The following VIT variants were observed in gnomAD, a reference collection of about 807,000 sequenced individuals.
The protein encoded by VIT is vitrin.
VIT carries 99 observed loss-of-function variants against 78.0 expected under a neutral mutation model. The ratio of observed to expected loss-of-function variants is 1.27; its 90% CI spans 1.08 to 1.50. VIT has a LOEUF of 1.50. VIT is among the 40% of genes most tolerant of loss of function. VIT has a pLI of 0.00. For synonymous variants in VIT, 374 were observed against 334.3 expected, an observed-to-expected ratio of 1.12 and a Z score of -1.29; for missense variants, 1,126 against 875.3, an observed-to-expected ratio of 1.29 and a Z score of -3.61.
intron 7 of VIT, among the ~76,000 whole-genome samples, chr2:36,768,322 C>T (rs1461354050): frequency 6.6e-6 from 1 of 152,094 alleles, no homozygotes; most frequent in Non-Finnish European, 1.5e-5. Flanking sequence ...GTCCCAGCTA[C>T]TTGGGAGGCT....
chr2:36,757,182 G>T (rs1354374031), intron 5 of VIT, among the ~76,000 whole-genome samples: 2 of 152,204 alleles, frequency 1.3e-5, no homozygotes, highest in East Asian at 3.8e-4. Flanking sequence ...AAGTTTAACT[G>T]CATGATGTCC....
intron 3 of VIT, 72 bp from the exon 4 acceptor site, chr2:36,743,028 G>T: frequency 6.3e-7 from 1 of 1,583,610 alleles, no homozygotes; most frequent in South Asian, 1.2e-5. Flanking sequence ...CAATAGTTGA[G>T]ACCTAACAGT....
intron 3 of VIT, among the ~76,000 whole-genome samples, chr2:36,741,059 CA>C (rs1387443974): frequency 2.6e-5 from 4 of 152,124 alleles, no homozygotes; most frequent in Non-Finnish European, 4.4e-5. Context: ...AAATTAAGAA[CA>C]AAGAAGAAAT....
chr2:36,801,624 A>G (rs982901823), intron 13 of VIT, among the ~76,000 whole-genome samples: 4 of 152,298 alleles, frequency 2.6e-5, no homozygotes, highest in Middle Eastern at 3.4e-3. Flanking sequence ...CCTGGCCAGC[A>G]TGGTTAAACC....
intron 3 of VIT, among the ~76,000 whole-genome samples, chr2:36,735,635 C>G (rs1438324305): frequency 6.6e-6 from 1 of 152,202 alleles, no homozygotes; most frequent in East Asian, 1.9e-4. Context: ...AATCTCCACC[C>G]CAAGGTGCAT....
intron 2 of VIT, among the ~76,000 whole-genome samples, chr2:36,722,373 A>G (rs965915326): frequency 2.6e-5 from 4 of 152,226 alleles, no homozygotes; most frequent in African/African-American, 9.6e-5. Flanking sequence ...TTTCCTTTCT[A>G]TAAAATAAAG....
intron 3 of VIT, among the ~76,000 whole-genome samples, chr2:36,733,922 A>C (rs1017239212): frequency 2.0e-5 from 3 of 152,244 alleles, no homozygotes; most frequent in African/African-American, 7.2e-5. Context: ...TATATCTTAC[A>C]GGATGCTACT....
chr2:36,721,622 C>T (rs1176254571), intron 2 of VIT, among the ~76,000 whole-genome samples: 1 of 152,174 alleles, frequency 6.6e-6, no homozygotes, highest in African/African-American at 2.4e-5. Context: ...AAGTGTCTTG[C>T]TTGTGGAGCC....
intron 6 of VIT, among the ~76,000 whole-genome samples, chr2:36,761,411 CGTGGGAA>C (rs1669109720): frequency 6.6e-6 from 1 of 151,998 alleles, no homozygotes; most frequent in South Asian, 2.1e-4. Flanking sequence ...TGGCCTCACC[CGTGGGAA>C]GTTCAGTGGC....
intron 4 of VIT, among the ~76,000 whole-genome samples, chr2:36,747,117 C>T (rs969695802): frequency 6.6e-6 from 1 of 152,026 alleles, no homozygotes; most frequent in Non-Finnish European, 1.5e-5. Context: ...TTTGAGAGAT[C>T]TTCTTGGTAT....
At chr2:36,812,858 CTTCT>C (rs1377059236) in intron 15 of VIT, among the ~76,000 whole-genome samples, 5 of 123,258 alleles carry the variant, frequency 4.1e-5, no homozygotes, top group South Asian at 2.5e-4. Context: ...GTTTTTTCTT[CTTCT>C]TTTTTTTTTT....
At chr2:36,697,776 G>A (rs547174840) in intron 1 of VIT, among the ~76,000 whole-genome samples, 1 of 152,198 alleles carries the variant, frequency 6.6e-6, no homozygotes, top group Non-Finnish European at 1.5e-5. Flanking sequence ...CCTAAATCAA[G>A]AGTGGAATTA....
chr2:36,797,064 C>T (rs1665955910), intron 12 of VIT, among the ~76,000 whole-genome samples: 1 of 150,636 alleles, frequency 6.6e-6, no homozygotes, highest in Non-Finnish European at 1.5e-5. Context: ...TGCAATTTTT[C>T]ATTTTGTAGC....
chr2:36,699,591 TATAG>T (rs67045573), intron 1 of VIT, among the ~76,000 whole-genome samples: 53,816 of 137,944 alleles, frequency 0.39, 11,207 homozygotes, highest in East Asian at 0.54. Context: ...AGATTATAGA[TATAG>T]ATATAGATAT....
intron 2 of VIT, among the ~76,000 whole-genome samples, chr2:36,727,528 T>C (rs1245043420): frequency 1.3e-5 from 2 of 152,168 alleles, no homozygotes; most frequent in Admixed American, 6.5e-5. Context: ...CTCTGGAAAA[T>C]GGAGATTTGT....
intron 8 of VIT, 104 bp downstream of exon 8, chr2:36,773,951 T>A (rs949358293): frequency 1.5e-5 from 18 of 1,202,962 alleles, no homozygotes; most frequent in Non-Finnish European, 2.0e-5. Context: ...GGACAAGGAC[T>A]ATTAAACCAC....
At chr2:36,724,126 C>G (rs1363705075) in intron 2 of VIT, among the ~76,000 whole-genome samples, 3 of 151,682 alleles carry the variant, frequency 2.0e-5, no homozygotes, top group Non-Finnish European at 4.4e-5. Flanking sequence ...TCAAGTGATT[C>G]TCCTACCTCA....
chr2:36,751,134 G>A (rs71437563), intron 4 of VIT, among the ~76,000 whole-genome samples: 10 of 152,210 alleles, frequency 6.6e-5, no homozygotes, highest in South Asian at 6.2e-4. Flanking sequence ...GGTGGCTCAC[G>A]CTTGTAATCC....
intron 4 of VIT, among the ~76,000 whole-genome samples, chr2:36,748,248 T>G: frequency 6.6e-6 from 1 of 152,176 alleles, no homozygotes; most frequent in Non-Finnish European, 1.5e-5. Flanking sequence ...TTGCTGAATT[T>G]CTTGAATTTG....
Sources: allele counts gnomAD v4.1 joint callset (sites outside exome capture counted in the v4.1 genomes callset), GRCh38; gene constraint gnomAD v4.1.1; transcripts MANE v1.5; gene names NCBI Gene and HGNC (gene_info 2026-07-23, HGNC 2026-07-21).